Variants in SERINC5 observed in about 807,000 individuals in gnomAD.
SERINC5 encodes chromosome 5 open reading frame 12.
A neutral mutation model predicts 63.1 loss-of-function variants in SERINC5; 41 were observed. The observed-to-expected ratio is 0.65, with a 90% confidence interval of 0.51 to 0.84. The LOEUF is 0.84. Among genes scored for constraint, SERINC5 ranks in the 40% least tolerant of loss-of-function variants. The pLI is 0.00. For missense variants in SERINC5, 523 were observed against 573.0 expected (o/e 0.91, Z 0.89); for synonymous variants, 222 against 215.2 (o/e 1.03, Z -0.28).
chr5:80,215,888 C>G (rs2112526101), intron 1 of SERINC5, among the ~76,000 whole-genome samples: 1 of 152,114 alleles, frequency 6.6e-6, no homozygotes, highest in East Asian at 1.9e-4. Context: ...AGATGTTCCC[C>G]TTTTTTGGAG....
At chr5:80,221,857 C>A (rs564410441) in intron 1 of SERINC5, among the ~76,000 whole-genome samples, 2 of 151,572 alleles carry the variant, frequency 1.3e-5, no homozygotes, top group African/African-American at 4.8e-5. Context: ...TTTGAGGATA[C>A]CTTTAATGGC....
At chr5:80,231,604 T>C (rs1751440589) in intron 1 of SERINC5, among the ~76,000 whole-genome samples, 1 of 151,800 alleles carries the variant, frequency 6.6e-6, no homozygotes, top group South Asian at 2.1e-4. Context: ...TGAATAATTC[T>C]TCCAACGTAC....
At chr5:80,201,052 T>C (rs1749806807) in intron 2 of SERINC5, among the ~76,000 whole-genome samples, 1 of 151,914 alleles carries the variant, frequency 6.6e-6, no homozygotes, top group East Asian at 1.9e-4. Context: ...TGGGCTGAGA[T>C]CGCGCCATTG....
At chr5:80,231,924 G>A (rs1205045430) in intron 1 of SERINC5, among the ~76,000 whole-genome samples, 1 of 151,590 alleles carries the variant, frequency 6.6e-6, no homozygotes, top group African/African-American at 2.4e-5. Flanking sequence ...AACATAGTGA[G>A]ATCCCATCTC....
chr5:80,247,488 A>G (rs1365657092), intron 1 of SERINC5, among the ~76,000 whole-genome samples: 2 of 152,202 alleles, frequency 1.3e-5, no homozygotes, highest in Non-Finnish European at 2.9e-5. Context: ...CCGTGCCTAC[A>G]AAGTCAGACT....
In SERINC5 at chr5:80,143,716, G is replaced by T; in HGVS notation, c.1333C>A (p.Leu445Met). ...CAGAGGGGAGCGACCAGCGTACACA[G>T]GTACAACAGCACGCATATCCAGCAG... ...ASCWICVLLY[L>M]CTLVAPLCCP... Residue 445 changes from leucine to methionine, a missense_variant, in exon 12 of 12, where the codon CTG becomes ATG. Leu to Met is a conservative substitution (Grantham distance 15, BLOSUM62 2). Coordinates refer to ENST00000507668, the MANE Select transcript of SERINC5 (RefSeq NM_001174072.3). 6.5e-7 allele frequency: 1 copy of T among 1,536,140 alleles called. No homozygotes were observed. Among genetic ancestry groups the T allele is most frequent in the Non-Finnish European group, 8.7e-7 (1 of 1,146,884 alleles).
At chr5:80,134,212 G>A (rs772115463), downstream of SERINC5, among the ~76,000 whole-genome samples, 20 of 152,182 alleles carry the variant, frequency 1.3e-4, no homozygotes, top group Non-Finnish European at 2.1e-4. Context: ...TAGGCCGGGC[G>A]TGGTGGCTCA....
Position 80,140,828 on chromosome 5 carries a change from A to G in SERINC5, c.*2835T>C, listed in dbSNP as rs1649969704. ...GAGGAAATATTCACATGCAGCTTTAAAAAAGTCCTCTTCAACTGTCATCCC... is the reference window on the plus strand; with the variant it reads ...GAGGAAATATTCACATGCAGCTTTAGAAAAGTCCTCTTCAACTGTCATCCC... On this transcript the variant is annotated 3_prime_UTR_variant, in exon 12 of 12. Transcript: ENST00000507668. 1 of 985,288 alleles carries G rather than the reference A, an allele frequency of 1.0e-6. No homozygotes were observed. Among genetic ancestry groups the G allele is most frequent in the Non-Finnish European group, 1.2e-6 (1 of 829,936 alleles). The allele number at this position is 985,288 out of a possible 1,614,324, so 61.0% of individuals were successfully genotyped here.
intron 1 of SERINC5, among the ~76,000 whole-genome samples, chr5:80,227,128 TAA>T: frequency 6.6e-6 from 1 of 152,058 alleles, no homozygotes; most frequent in Non-Finnish European, 1.5e-5. Flanking sequence ...ACTCCTGACC[TAA>T]GGTGATCCAC....
intron 9 of SERINC5, among the ~76,000 whole-genome samples, chr5:80,150,052 C>CGTTT (rs1437924891): frequency 1.3e-5 from 2 of 152,226 alleles, no homozygotes; most frequent in Non-Finnish European, 2.9e-5. Flanking sequence ...CCTGACAAAA[C>CGTTT]GCCCACCTGA....
rs574598183 is a variant in SERINC5 at position 80,172,162 on chromosome 5, T to C, written c.552-2616A>G. 2.4e-3 allele frequency among the ~76,000 whole-genome samples: 359 copies of C among 152,160 alleles called. 3 individuals carry two copies. Among genetic ancestry groups the C allele is most frequent in the Non-Finnish European group, 4.1e-3 (278 of 67,996 alleles). On this transcript the variant is annotated intron_variant, in intron 5 of 11. Coordinates refer to ENST00000507668, the MANE Select transcript of SERINC5 (RefSeq NM_001174072.3). ...CTGACCAACATGGCGAAACCCCATC[T>C]CTACCAAAAATACAAAAATTATCCG...
At chr5:80,170,303 C>CT (rs1288205680) in intron 5 of SERINC5, among the ~76,000 whole-genome samples, 2 of 151,998 alleles carry the variant, frequency 1.3e-5, no homozygotes, top group African/African-American at 4.8e-5. Context: ...CTGACATGTC[C>CT]TTTTTTATGG....
chr5:80,229,020 CCTTTTT>C (rs1278520328), intron 1 of SERINC5, among the ~76,000 whole-genome samples: 1 of 92,200 alleles, frequency 1.1e-5, no homozygotes, highest in Non-Finnish European at 1.9e-5. Flanking sequence ...GTTTTACATA[CCTTTTT>C]TTTTTTTTTT....
At chr5:80,153,358 T>A (rs529658240) in intron 8 of SERINC5, among the ~76,000 whole-genome samples, 2 of 151,672 alleles carry the variant, frequency 1.3e-5, no homozygotes, top group East Asian at 3.9e-4. Flanking sequence ...CTCGGGAGAC[T>A]GAGGCAAGAG....
At chr5:80,193,549 G>A (rs145724716) in intron 2 of SERINC5, among the ~76,000 whole-genome samples, 6 of 152,254 alleles carry the variant, frequency 3.9e-5, no homozygotes, top group Non-Finnish European at 8.8e-5. Flanking sequence ...TGGTGCTCCC[G>A]CAAACGTGCA....
chr5:80,132,660 TC>T (rs2112259254), intron 11 of SERINC5, among the ~76,000 whole-genome samples: 1 of 152,150 alleles, frequency 6.6e-6, no homozygotes, highest in Admixed American at 6.5e-5. Context: ...AGTCAAGATC[TC>T]ATTATGTTGC....
chr5:80,144,744 C>T lies in SERINC5; in HGVS notation c.1239-934G>A, dbSNP rs545896766. On this transcript the variant is annotated intron_variant, in intron 11 of 11. Transcript: ENST00000507668. ...CCAATACTCATCACCATCTAACACA[C>T]CATATTTGACTTGCGTCATAGTCTG... is the stretch of plus-strand genomic sequence containing the variant. Among the ~76,000 whole-genome samples, 6 of 152,348 alleles carry T rather than the reference C, an allele frequency of 3.9e-5. No individual in the cohort carries two copies. In the East Asian group the frequency reaches 9.6e-4, roughly 24 times the overall value.
At position 80,256,021 on chromosome 5, in the gene SERINC5, A is replaced by G. The variant is rs927607079; in HGVS notation, c.-99T>C. On this transcript the variant is annotated 5_prime_UTR_variant, in exon 1 of 12. Coordinates refer to ENST00000507668, the MANE Select transcript of SERINC5 (RefSeq NM_001174072.3). The stretch of plus-strand genomic sequence containing the variant: ...CGAGCGCTGGGCTCAGCCGCAGCTC[A>G]CACTTGAACGAAGATCAGCCTCGGC... 3.2e-6 allele frequency: 4 copies of G among 1,239,348 alleles called. No individual in the cohort carries two copies. The South Asian group carries it at 4.8e-5, about 15-fold the overall frequency. 76.8% of individuals were successfully genotyped at this position (1,239,348 alleles called of 1,614,324 possible).
At position 80,203,004 on chromosome 5, in the gene SERINC5, C is replaced by A; in HGVS notation, c.77G>T (p.Cys26Phe). The A allele has an allele frequency of 6.2e-7, 1 of 1,612,914 alleles. No homozygotes were observed. Among genetic ancestry groups the A allele is most frequent in the Non-Finnish European group, 8.5e-7 (1 of 1,179,432 alleles). ...GCTGAGGGACTGCCGAATCCTGGGG[C>A]AGCAATCACAGCAGAGAGAGCAGCC... ...SAGCSLCCDC[C>F]PRIRQSLSTR... Residue 26 changes from cysteine (C) to phenylalanine (F), a missense_variant, in exon 2 of 12, where the codon TGC becomes TTC. Cys to Phe is a radical substitution (Grantham distance 205). Coordinates refer to ENST00000507668, the MANE Select transcript of SERINC5 (RefSeq NM_001174072.3).
Sources: allele counts gnomAD v4.1 joint callset (sites outside exome capture counted in the v4.1 genomes callset), GRCh38; gene constraint gnomAD v4.1.1; transcripts MANE v1.5; gene names NCBI Gene and HGNC (gene_info 2026-07-23, HGNC 2026-07-21).